RMC1: variants seen among roughly 807,000 people sequenced by gnomAD.
The protein encoded by RMC1 is regulator of MON1-CCZ1.
In RMC1, 44 loss-of-function variants were observed where a neutral mutation model predicts 95.5. The observed-to-expected ratio is 0.46, with a 90% CI of 0.36 to 0.59. RMC1 has a LOEUF of 0.59. RMC1 is among the 20% of genes least tolerant of loss of function. The pLI, the probability that RMC1 is intolerant of heterozygous loss-of-function variation, is 0.00. For synonymous variants in RMC1, 320 were observed against 303.6 expected (o/e 1.05, Z -0.56); for missense variants, 705 against 819.6 (o/e 0.86, Z 1.71).
chr18:23,526,573 CCA>C, intron 12 of RMC1, 62 bp from the exon 13 acceptor site: 1 of 1,579,994 alleles, frequency 6.3e-7, no homozygotes, highest in Non-Finnish European at 8.6e-7. Flanking sequence ...TTTAGGGGAA[CCA>C]CTTTTGGGCT....
At chr18:23,519,599 G>A (rs775260681) in intron 9 of RMC1, among the ~76,000 whole-genome samples, 2 of 152,148 alleles carry the variant, frequency 1.3e-5, no homozygotes, top group Non-Finnish European at 2.9e-5. Context: ...TCTTCCAGAT[G>A]GAAATGGGTT....
chr18:23,509,636 C>A, intron 5 of RMC1: 1 of 153,790 alleles, frequency 6.5e-6, no homozygotes, highest in Non-Finnish European at 1.4e-5. Context: ...GATCTCGGCT[C>A]ACCGCAACCT....
At chr18:23,531,488 A>G (rs1336448171) in intron 19 of RMC1, 137 bp from the exon 20 acceptor site, 4 of 1,455,412 alleles carry the variant, frequency 2.7e-6, no homozygotes, top group Non-Finnish European at 3.6e-6. Flanking sequence ...CAGATAGGGT[A>G]ACCCCAAAAC....
At chr18:23,519,017 T>G (rs755639899) in intron 8 of RMC1, 38 bp downstream of exon 8, 1 of 1,613,552 alleles carries the variant, frequency 6.2e-7, no homozygotes, top group South Asian at 1.1e-5. Context: ...CTCTCTGATT[T>G]TAAAATGTGA....
intron 1 of RMC1, 102 bp downstream of exon 1, chr18:23,503,822 T>G: frequency 1.0e-6 from 1 of 979,354 alleles, no homozygotes; most frequent in Non-Finnish European, 1.4e-6. Context: ...CCTCCTGTCC[T>G]GTCCCGTCCC....
At chr18:23,510,495 A>G (rs1363690079) in intron 5 of RMC1, among the ~76,000 whole-genome samples, 1 of 152,120 alleles carries the variant, frequency 6.6e-6, no homozygotes, top group Non-Finnish European at 1.5e-5. Context: ...TAAAAATACA[A>G]AAATTAGCCA....
chr18:23,504,398 A>C lies in RMC1; in HGVS notation c.130A>C (p.Thr44Pro). ...QVFAVRSGGA[T>P]GVVVKGPDDR... ...TTTTGCTGTTCGATCTGGTGGAGCT[A>C]CTGGCGTGGTAGTTAAAGGCCCAGA... Residue 44 changes from threonine to proline, a missense_variant, in exon 2 of 20, where the codon ACT (threonine) becomes CCT (proline). By Grantham distance (38) the Thr-to-Pro change is conservative. Transcript: ENST00000269221. 1 of 1,614,194 alleles carries C rather than the reference A, an allele frequency of 6.2e-7. No homozygotes were observed. Among genetic ancestry groups the C allele is most frequent in the Non-Finnish European group, 8.5e-7 (1 of 1,180,026 alleles).
intron 12 of RMC1, among the ~76,000 whole-genome samples, chr18:23,525,505 AC>A (rs2058272180): frequency 6.6e-6 from 1 of 151,018 alleles, no homozygotes; most frequent in African/African-American, 2.4e-5. Flanking sequence ...GCTCACTGCA[AC>A]CTCCAACTCC....
At chr18:23,518,553 A>G (rs1359331259) in intron 7 of RMC1, among the ~76,000 whole-genome samples, 1 of 152,240 alleles carries the variant, frequency 6.6e-6, no homozygotes, top group Non-Finnish European at 1.5e-5. Context: ...ATATACATTC[A>G]TTATACAAAA....
chr18:23,529,978 G>A (rs771589841), intron 16 of RMC1, 50 bp from the exon 17 acceptor site: 1 of 1,504,730 alleles, frequency 6.6e-7, no homozygotes, highest in South Asian at 1.1e-5. Flanking sequence ...CTAGTCTGTT[G>A]TAGCTGAATG....
At chr18:23,509,078 A>G (rs1223613812) in intron 4 of RMC1, 115 bp from the exon 5 acceptor site, 2 of 385,390 alleles carry the variant, frequency 5.2e-6, no homozygotes, top group African/African-American at 4.2e-5. Flanking sequence ...ATTAGTAAAC[A>G]TTCCGGGGAA....
At chr18:23,528,974 G>A (rs1017078786) in intron 14 of RMC1, 3 of 689,156 alleles carry the variant, frequency 4.4e-6, no homozygotes, top group South Asian at 2.2e-5. Context: ...CTGCCTCCTG[G>A]GTTCAAGGGA....
intron 19 of RMC1, 71 bp downstream of exon 19, chr18:23,530,683 G>A: frequency 6.9e-7 from 1 of 1,445,204 alleles, no homozygotes; most frequent in East Asian, 2.3e-5. Flanking sequence ...GGCAGCTGGT[G>A]GGCGAGGACC....
At chr18:23,529,605 A>T in intron 15 of RMC1, 30 bp from the exon 16 acceptor site, 1 of 1,585,680 alleles carries the variant, frequency 6.3e-7, no homozygotes, top group African/African-American at 1.3e-5. Flanking sequence ...CCTCGTTGGT[A>T]TTTGTAAGAC....
At chr18:23,516,019 A>C in intron 6 of RMC1, 23 bp downstream of exon 6, 1 of 1,613,984 alleles carries the variant, frequency 6.2e-7, no homozygotes, top group Non-Finnish European at 8.5e-7. Context: ...CTCCCCTGAA[A>C]AAAACACCTT....
At chr18:23,504,321 T>G in intron 1 of RMC1, 50 bp from the exon 2 acceptor site, 1 of 1,544,838 alleles carries the variant, frequency 6.5e-7, no homozygotes, top group African/African-American at 1.4e-5. Context: ...CTTCTGAGTT[T>G]AGATCCTTTC....
chr18:23,524,275 C>T (rs576588447), intron 11 of RMC1, 101 bp downstream of exon 11: 71 of 1,509,998 alleles, frequency 4.7e-5, no homozygotes, highest in African/African-American at 3.3e-4. Context: ...AATAACACTC[C>T]GAGAGCCACC....
chr18:23,510,585 T>C lies in RMC1; in HGVS notation c.408+1306T>C, dbSNP rs150473000. 1.6e-3 allele frequency among the ~76,000 whole-genome samples: 240 copies of C among 151,990 alleles called. 1 individual carries two copies. The highest frequency in any genetic ancestry group is 5.5e-3 in the African/African-American group (229 of 41,412). On this transcript the variant is annotated intron_variant, in intron 5 of 19. Coordinates refer to ENST00000269221, the MANE Select transcript of RMC1 (RefSeq NM_013326.5). ...TTGCTTGAACCTGGAAGGCGGAGCT[T>C]GTAGTGAGCTGAGATGGTGCCACTG...
chr18:23,526,777 C>A lies in RMC1; in HGVS notation c.1189+12C>A. ...TGTCTGTTCACAGAGTAAGTTGAAT[C>A]CTTCCCCCTTGCTCTGATTCCAGTG... On this transcript the variant is annotated intron_variant, in intron 13 of 19. Transcript: ENST00000269221. 5 of 1,613,074 alleles carry A rather than the reference C, an allele frequency of 3.1e-6. No individual in the cohort carries two copies. Among genetic ancestry groups the A allele is most frequent in the Non-Finnish European group, 4.2e-6 (5 of 1,179,514 alleles).
Sources: allele counts gnomAD v4.1 joint callset (sites outside exome capture counted in the v4.1 genomes callset), GRCh38; gene constraint gnomAD v4.1.1; transcripts MANE v1.5; gene names NCBI Gene and HGNC (gene_info 2026-07-23, HGNC 2026-07-21).